The following CARNS1 variants were observed in gnomAD, a reference collection of about 807,000 sequenced individuals.
CARNS1 encodes the protein ATP-grasp domain containing 1.
In CARNS1, 61 loss-of-function variants were observed where a neutral mutation model predicts 74.0. That is an observed-to-expected ratio of 0.82 (90% confidence interval 0.67 to 1.02). The LOEUF is 1.02. CARNS1 is among the 50% of genes least tolerant of loss of function. The pLI, the probability that CARNS1 is intolerant of heterozygous loss-of-function variation, is 0.00. For synonymous variants in CARNS1, 568 were observed against 605.5 expected, an observed-to-expected ratio of 0.94 and a Z score of 0.91; for missense variants, 1,278 against 1,308.4, an observed-to-expected ratio of 0.98 and a Z score of 0.36.
chr11:67,418,930 G>T lies in CARNS1; in HGVS notation c.539G>T (p.Gly180Val). 2 of 1,582,738 alleles carry T rather than the reference G, an allele frequency of 1.3e-6. No homozygotes were observed. The highest frequency in any genetic ancestry group is 2.3e-5 in the South Asian group (2 of 87,240). The change falls in exon 5 of 10, where the codon GGC (glycine) becomes GTC (valine). Residue 180 changes from glycine (G) to valine (V), a missense_variant. Around this residue, in one of 3 missense-constraint regions of CARNS1, gnomAD observed 1,164 missense variants for 1,156.5 expected, o/e 1.01. Coordinates refer to ENST00000687366, the MANE Select transcript of CARNS1 (RefSeq NM_001166222.2). ...RRATYFLAGL[G>V]LGPGRGREAA... is the part of the protein sequence containing the mutation. ...GCCACCTACTTTTTGGCAGGCCTGGGCCTGGGGCCTGGCCGGGGCCGAGAG... is the reference window on the plus strand; with the variant it reads ...GCCACCTACTTTTTGGCAGGCCTGGTCCTGGGGCCTGGCCGGGGCCGAGAG...
chr11:67,424,103 C>T lies in CARNS1; in HGVS notation c.2355C>T (p.Arg785=). 1 of 1,613,776 alleles carries T rather than the reference C, an allele frequency of 6.2e-7. No individual in the cohort carries two copies. The highest frequency in any genetic ancestry group is 1.1e-5 in the South Asian group (1 of 91,074). The change falls in exon 10 of 10, where the codon CGC becomes CGT. Residue 785 remains arginine (R), a synonymous_variant. Coordinates refer to ENST00000687366, the MANE Select transcript of CARNS1 (RefSeq NM_001166222.2). ...CACAGATGGTTCAGGCAGCCTTCCG[C>T]TGTTGCCTGGGCTGCGGGTTGCTCG... The part of the protein sequence containing the change: ...QEAQMVQAAF[R]CCLGCGLLDG...
chr11:67,424,982 A>C lies in CARNS1; in HGVS notation c.*381A>C. 1 of 498,984 alleles carries C rather than the reference A, an allele frequency of 2.0e-6. No homozygotes were observed. Among genetic ancestry groups the C allele is most frequent in the Admixed American group, 2.3e-5 (1 of 43,560 alleles). 30.9% of individuals were successfully genotyped at this position (498,984 alleles called of 1,614,324 possible). A position where few individuals can be genotyped will look rare whatever the true frequency, so the allele number is the denominator to read the frequency against. ...GTCTCACTCTCTTCCTGCCATCTAC[A>C]AGAGGAGAGGACCTGGCTGGGCCCC... On this transcript the variant is annotated 3_prime_UTR_variant, in exon 10 of 10. Transcript: ENST00000687366.
rs1386021319 is a variant in CARNS1 at position 67,423,237 on chromosome 11, A to T, written c.1627-138A>T. On this transcript the variant is annotated intron_variant, in intron 9 of 9. Coordinates refer to ENST00000687366, the MANE Select transcript of CARNS1 (RefSeq NM_001166222.2). The surrounding 1 kb of genome is among the most constrained non-coding windows in gnomAD (Gnocchi z 5.1). Reference sequence around the variant, plus strand: ...TTCTGCCCCTTCCATTTATTCAGTCAATCCACAACACACATTTATTGAGCA... The same window carrying T: ...TTCTGCCCCTTCCATTTATTCAGTCTATCCACAACACACATTTATTGAGCA... The T allele has an allele frequency of 1.2e-6, 1 of 865,854 alleles. No homozygotes were observed. Among genetic ancestry groups the T allele is most frequent in the Non-Finnish European group, 1.8e-6 (1 of 567,676 alleles). 53.6% of individuals were successfully genotyped at this position (865,854 alleles called of 1,614,324 possible).
Position 67,424,661 on chromosome 11 carries a change from C to G in CARNS1, c.*60C>G. ...TGGAGGCACTGTGGTGCCCTCTGCTCCCTGGAGCTCTTCCTGCTTCTCTCC... is the reference window on the plus strand; with the variant it reads ...TGGAGGCACTGTGGTGCCCTCTGCTGCCTGGAGCTCTTCCTGCTTCTCTCC... On this transcript the variant is annotated 3_prime_UTR_variant, in exon 10 of 10. Transcript: ENST00000687366. 6.7e-7 allele frequency: 1 copy of G among 1,487,360 alleles called. No individual in the cohort carries two copies. Among genetic ancestry groups the G allele is most frequent in the Non-Finnish European group, 9.0e-7 (1 of 1,113,574 alleles). The allele number at this position is 1,487,360 out of a possible 1,614,324, so 92.1% of individuals were successfully genotyped here.
intron 9 of CARNS1, 89 bp downstream of exon 9, chr11:67,421,308 C>T: frequency 4.6e-6 from 6 of 1,294,418 alleles, no homozygotes; most frequent in Non-Finnish European, 9.9e-7. Flanking sequence ...AGCAAAGGGG[C>T]GTCCTTGGGG....
At chr11:67,416,092 C>G (rs1863539083) in intron 1 of CARNS1, 84 bp from the exon 2 acceptor site, 2 of 862,118 alleles carry the variant, frequency 2.3e-6, no homozygotes, top group Non-Finnish European at 3.8e-6. Flanking sequence ...CTCTCCACTC[C>G]CAAAGTCTAG....
rs1277631615 is a variant in CARNS1 at position 67,419,131 on chromosome 11, C to T, written c.740C>T (p.Ala247Val). The T allele has an allele frequency of 1.3e-6, 2 of 1,573,762 alleles. No homozygotes were observed. Among genetic ancestry groups the T allele is most frequent in the Non-Finnish European group, 1.7e-6 (2 of 1,158,350 alleles). The change falls in exon 5 of 10, where the codon GCC becomes GTC. Residue 247 changes from alanine (A) to valine (V), a missense_variant. Coordinates refer to ENST00000687366, the MANE Select transcript of CARNS1 (RefSeq NM_001166222.2). Reference sequence around the variant, plus strand: ...CCGGGGCTGCTGCGGGGAGGGGATGCCAGCCTAGGGCTACGGCTGGTGGAG... The same window carrying T: ...CCGGGGCTGCTGCGGGGAGGGGATGTCAGCCTAGGGCTACGGCTGGTGGAG... ...KPPGLLRGGD[A>V]SLGLRLVELS...
chr11:67,417,926 G>C (rs1863588715), intron 3 of CARNS1, among the ~76,000 whole-genome samples: 1 of 152,226 alleles, frequency 6.6e-6, no homozygotes. Context: ...CCCTGGGATT[G>C]GGAAACCACG....
chr11:67,425,041 T>C lies in CARNS1; in HGVS notation c.*440T>C, dbSNP rs957691972. ...GACAAATCCTGGGAAAACCTGAGAC[T>C]AGAACCCTTGTCTTCCTCTTACCCA... On this transcript the variant is annotated 3_prime_UTR_variant, in exon 10 of 10. Coordinates refer to ENST00000687366, the MANE Select transcript of CARNS1 (RefSeq NM_001166222.2). 2 of 467,126 alleles carry C rather than the reference T, an allele frequency of 4.3e-6. No homozygotes were observed. The highest frequency in any genetic ancestry group is 8.5e-6 in the Non-Finnish European group (2 of 234,766). The allele number at this position is 467,126 out of a possible 1,614,324, so 28.9% of individuals were successfully genotyped here. A position where few individuals can be genotyped will look rare whatever the true frequency, so the allele number is the denominator to read the frequency against.
intron 7 of CARNS1, among the ~76,000 whole-genome samples, chr11:67,420,063 C>A (rs1863656058): frequency 6.6e-6 from 1 of 152,124 alleles, no homozygotes; most frequent in African/African-American, 2.4e-5. Context: ...TGTGCTCAGC[C>A]CCACGCTGGG....
Position 67,418,365 on chromosome 11 carries a change from G to A in CARNS1, c.275-66G>A, listed in dbSNP as rs954237041. ...GGGTGGGGCCGTGGGTGTGGAGGTGGTGGAAGGTGGGCAGAGAGACAGCAA... is the reference window on the plus strand; with the variant it reads ...GGGTGGGGCCGTGGGTGTGGAGGTGATGGAAGGTGGGCAGAGAGACAGCAA... On this transcript the variant is annotated intron_variant, in intron 3 of 9. Transcript: ENST00000687366. 21 of 1,207,398 alleles carry A rather than the reference G, an allele frequency of 1.7e-5. No individual in the cohort carries two copies. The African/African-American group carries it at 3.3e-4, about 19-fold the overall frequency. The allele number at this position is 1,207,398 out of a possible 1,614,324, so 74.8% of individuals were successfully genotyped here. A position where few individuals can be genotyped will look rare whatever the true frequency, so the allele number is the denominator to read the frequency against.
chr11:67,421,321 G>A, intron 9 of CARNS1, 102 bp downstream of exon 9: 1 of 1,248,600 alleles, frequency 8.0e-7, no homozygotes, highest in Non-Finnish European at 1.0e-6. Context: ...CCTTGGGGCG[G>A]GACCAGCCGC....
intron 7 of CARNS1, 60 bp from the exon 8 acceptor site, chr11:67,420,549 G>A: frequency 1.8e-6 from 2 of 1,084,378 alleles, no homozygotes; most frequent in Middle Eastern, 3.4e-4. Flanking sequence ...ACAAGGCGGT[G>A]GGGGTGTGCG....
Position 67,421,210 on chromosome 11 carries a change from C to T in CARNS1, c.1617C>T (p.Tyr539=). The T allele has an allele frequency of 2.7e-6, 4 of 1,480,918 alleles. No individual in the cohort carries two copies. Among genetic ancestry groups the T allele is most frequent in the South Asian group, 2.5e-5 (2 of 79,558 alleles). 91.7% of individuals were successfully genotyped at this position (1,480,918 alleles called of 1,614,324 possible). ...TCGTGTGGGAGGCGGCGCGCGACTA[C>T]GGGCTCCAGGTGGGCGGGGCGCGGG... ...KKFVWEAARD[Y]GLQLHLVESD... Residue 539 remains tyrosine (Y), a synonymous_variant, in exon 9 of 10, where the codon TAC becomes TAT. Transcript: ENST00000687366.
At position 67,421,027 on chromosome 11, in the gene CARNS1, C is replaced by A. The variant is rs978118616; in HGVS notation, c.1434C>A (p.Gly478=). The A allele has an allele frequency of 7.3e-7, 1 of 1,367,118 alleles. No individual in the cohort carries two copies. Among genetic ancestry groups the A allele is most frequent in the Non-Finnish European group, 9.4e-7 (1 of 1,067,524 alleles). The allele number at this position is 1,367,118 out of a possible 1,614,324, so 84.7% of individuals were successfully genotyped here. A position where few individuals can be genotyped will look rare whatever the true frequency, so the allele number is the denominator to read the frequency against. Residue 478 remains glycine (G), a synonymous_variant, in exon 9 of 10, where the codon GGC becomes GGA. Coordinates refer to ENST00000687366, the MANE Select transcript of CARNS1 (RefSeq NM_001166222.2). ...LNGGLCLEAC[G]ALEGLWAAPR... ...GCGGCCTGTGTCTGGAGGCGTGCGG[C>A]GCGCTGGAGGGGCTGTGGGCCGCGC...
rs1050540577 is a variant in CARNS1 at position 67,418,755 on chromosome 11, G to A, written c.365-1G>A. On this transcript the variant is annotated splice_acceptor_variant, in intron 4 of 9. Coordinates refer to ENST00000687366, the MANE Select transcript of CARNS1 (RefSeq NM_001166222.2). LOFTEE classifies it high-confidence loss of function. ...CAGCCACTTGCCTTCTCTGCCCACA[G>A]GAAACATGCTCCTTTGCCTGTCCCC... 1 of 1,583,098 alleles carries A rather than the reference G, an allele frequency of 6.3e-7. No individual in the cohort carries two copies. The highest frequency in any genetic ancestry group is 1.3e-5 in the African/African-American group (1 of 74,276).
Position 67,425,410 on chromosome 11 carries a change from C to A in CARNS1, c.*809C>A, listed in dbSNP as rs111229064. Reference sequence around the variant, plus strand: ...CCTGAGACACGTGAACACCTCCCTCCTATGCATCACAAACCTTCTCCACCG... The same window carrying A: ...CCTGAGACACGTGAACACCTCCCTCATATGCATCACAAACCTTCTCCACCG... On this transcript the variant is annotated 3_prime_UTR_variant, in exon 10 of 10. Transcript: ENST00000687366. The A allele has an allele frequency of 4.3e-5, 11 of 252,936 alleles. 2 individuals are homozygous for A. The highest frequency in any genetic ancestry group is 2.4e-4 in the African/African-American group (11 of 45,584). The allele number at this position is 252,936 out of a possible 1,614,324, so 15.7% of individuals were successfully genotyped here. A position where few individuals can be genotyped will look rare whatever the true frequency, so the allele number is the denominator to read the frequency against.
rs1863794548 is a variant in CARNS1, at chr11:67,424,848, G to A, written c.*247G>A. ...GCTTCCCCAGCATTCTAGCCTTGGAGAAATGACAATGGCCACACACACACA... is the reference window on the plus strand; with the variant it reads ...GCTTCCCCAGCATTCTAGCCTTGGAAAAATGACAATGGCCACACACACACA... On this transcript the variant is annotated 3_prime_UTR_variant, in exon 10 of 10. Transcript: ENST00000687366. 1.1e-5 allele frequency: 7 copies of A among 617,380 alleles called. No individual in the cohort carries two copies. The highest frequency in any genetic ancestry group is 2.0e-5 in the Non-Finnish European group (7 of 344,978). The allele number at this position is 617,380 out of a possible 1,614,324, so 38.2% of individuals were successfully genotyped here. A position where few individuals can be genotyped will look rare whatever the true frequency, so the allele number is the denominator to read the frequency against.
intron 4 of CARNS1, 65 bp from the exon 5 acceptor site, chr11:67,418,691 C>T (rs971386444): frequency 8.8e-6 from 13 of 1,484,216 alleles, no homozygotes; most frequent in Non-Finnish European, 1.1e-5. Context: ...CACTCCGCTA[C>T]CCGGGGGCCC....
Sources: allele counts gnomAD v4.1 joint callset (sites outside exome capture counted in the v4.1 genomes callset), GRCh38; gene constraint gnomAD v4.1.1; regional missense constraint gnomAD v4.1.1; non-coding constraint Gnocchi (gnomAD v3.1); transcripts MANE v1.5; gene names NCBI Gene and HGNC (gene_info 2026-07-23, HGNC 2026-07-21).